Variants in ZNF462 observed in about 807,000 individuals in gnomAD.
ZNF462 encodes the protein zinc finger protein 462.
Under a neutral mutation model 201.9 loss-of-function variants are expected in ZNF462, and 10 were observed. The ratio of observed to expected loss-of-function variants is 0.05; its 90% confidence interval spans 0.03 to 0.08. ZNF462 has a LOEUF of 0.08. Among genes scored for constraint, ZNF462 ranks in the 10% least tolerant of loss-of-function variants. ZNF462 has a pLI of 1.00. For synonymous variants in ZNF462, 1,227 were observed against 1,193.3 expected (o/e 1.03, Z -0.58); for missense variants, 2,523 against 3,168.3 (o/e 0.80, Z 4.89).
intron 1 of ZNF462, among the ~76,000 whole-genome samples, chr9:106,914,334 G>C (rs941098433): frequency 6.6e-6 from 1 of 152,166 alleles, no homozygotes; most frequent in African/African-American, 2.4e-5. Context: ...ATTCTTTGTC[G>C]TGGGGACTGT....
At chr9:106,945,516 G>A (rs569871323) in intron 7 of ZNF462, among the ~76,000 whole-genome samples, 2 of 152,204 alleles carry the variant, frequency 1.3e-5, no homozygotes, top group South Asian at 2.1e-4. Context: ...CTTTAAAAAC[G>A]ACAATCATGA....
intron 1 of ZNF462, among the ~76,000 whole-genome samples, chr9:106,900,208 G>A (rs1304051570): frequency 3.9e-3 from 123 of 31,400 alleles, no homozygotes; most frequent in African/African-American, 0.03. Context: ...TCCATCGTGT[G>A]TGTGTGTGTG....
At chr9:106,900,732 A>T (rs1051088348) in intron 1 of ZNF462, among the ~76,000 whole-genome samples, 32 of 151,274 alleles carry the variant, frequency 2.1e-4, no homozygotes, top group African/African-American at 7.8e-4. Context: ...TTTTGATGGG[A>T]TTGTTGTTTT....
rs564454924 is a variant in ZNF462, at chr9:106,891,684, C to G, written c.-31+28329C>G. On this transcript the variant is annotated intron_variant, in intron 1 of 12. Transcript: ENST00000277225. Reference sequence around the variant, plus strand: ...GAACGTGAAATCACTTTTGCAAGTTCTTCCCCTCTCCACACCCTTGATTAT... The same window carrying G: ...GAACGTGAAATCACTTTTGCAAGTTGTTCCCCTCTCCACACCCTTGATTAT... Among the ~76,000 whole-genome samples, 6 of 152,256 alleles carry G rather than the reference C, an allele frequency of 3.9e-5. No individual in the cohort carries two copies. The South Asian group carries it at 1.0e-3, about 26-fold the overall frequency.
rs765909848 is a variant in ZNF462 at position 106,974,314 on chromosome 9, C to T, written c.6832+41C>T. The T allele has an allele frequency of 3.1e-6, 5 of 1,613,804 alleles. No homozygotes were observed. In the Admixed American group the frequency reaches 5.0e-5, roughly 16 times the overall value. ...TGGTTTTCTTGGATGCAGCGGGGGG[C>T]AGGCAGCAGAGATGGCCTTCTAGGG... On this transcript the variant is annotated intron_variant, in intron 9 of 12. Transcript: ENST00000277225. This position sits in a 1 kb window ranked among gnomAD's most constrained non-coding sequence, Gnocchi z 4.0.
intron 7 of ZNF462, among the ~76,000 whole-genome samples, chr9:106,941,370 A>G (rs750825326): frequency 2.5e-4 from 38 of 152,174 alleles, no homozygotes; most frequent in Admixed American, 2.6e-4. Flanking sequence ...TTGTGGAGTG[A>G]TTTCAGATTC....
chr9:106,945,428 C>A (rs1273673347), intron 7 of ZNF462, among the ~76,000 whole-genome samples: 7 of 152,080 alleles, frequency 4.6e-5, no homozygotes, highest in African/African-American at 1.7e-4. Context: ...TTAAGAGGAT[C>A]CAGTTAGTTG....
intron 7 of ZNF462, among the ~76,000 whole-genome samples, chr9:106,967,733 G>A (rs559655710): frequency 1.3e-5 from 2 of 152,258 alleles, no homozygotes; most frequent in African/African-American, 4.8e-5. Context: ...TCTAACTAAA[G>A]CATGACATTT....
intron 9 of ZNF462, chr9:106,975,418 C>T (rs901693072): frequency 6.6e-6 from 1 of 152,206 alleles, no homozygotes; most frequent in Non-Finnish European, 1.5e-5. Flanking sequence ...TTGGCCAATA[C>T]ATTTGTGACA....
At chr9:106,877,929 G>A (rs964877113) in intron 1 of ZNF462, among the ~76,000 whole-genome samples, 3 of 152,176 alleles carry the variant, frequency 2.0e-5, no homozygotes, top group African/African-American at 7.2e-5. Context: ...AATATGGGAT[G>A]AAAGAGTAGG....
chr9:106,996,708 G>C (rs913459265), intron 10 of ZNF462, among the ~76,000 whole-genome samples: 3 of 152,086 alleles, frequency 2.0e-5, no homozygotes, highest in African/African-American at 7.2e-5. Context: ...GTAGATTCTG[G>C]ATATTAACCC....
At chr9:106,959,074 G>A in intron 7 of ZNF462, among the ~76,000 whole-genome samples, 1 of 152,122 alleles carries the variant, frequency 6.6e-6, no homozygotes, top group East Asian at 1.9e-4. Flanking sequence ...CATGTGCATT[G>A]TTAACTAACA....
At chr9:106,884,937 A>C (rs995115856) in intron 1 of ZNF462, among the ~76,000 whole-genome samples, 2 of 152,172 alleles carry the variant, frequency 1.3e-5, no homozygotes, top group African/African-American at 4.8e-5. Flanking sequence ...TGTGTAGTTG[A>C]TCATCAATGC....
Position 106,866,694 on chromosome 9 carries a change from T to C in ZNF462, c.-31+3339T>C, listed in dbSNP as rs1272852168. On this transcript the variant is annotated intron_variant, in intron 1 of 12. Transcript: ENST00000277225. The stretch of plus-strand genomic sequence containing the variant: ...GAACATTATCTTTTGATACCATTAC[T>C]TTTGCTCTTAAGTGAAATTTCGCCA... 3.3e-5 allele frequency among the ~76,000 whole-genome samples: 5 copies of C among 152,226 alleles called. No individual in the cohort carries two copies. In the South Asian group the frequency reaches 1.0e-3, roughly 31 times the overall value.
At chr9:106,940,627 C>T (rs1340202535) in intron 7 of ZNF462, among the ~76,000 whole-genome samples, 2 of 152,078 alleles carry the variant, frequency 1.3e-5, no homozygotes, top group African/African-American at 2.4e-5. Flanking sequence ...ACTGGTGTCC[C>T]GGCCTTAAAG....
chr9:106,927,141 G>A lies in ZNF462; in HGVS notation c.3229G>A (p.Ala1077Thr), dbSNP rs1317309848. 1.2e-6 allele frequency: 2 copies of A among 1,614,172 alleles called. No homozygotes were observed. The highest frequency in any genetic ancestry group is 8.5e-7 in the Non-Finnish European group (1 of 1,180,028). Residue 1077 changes from alanine (A) to threonine (T), a missense_variant, in exon 3 of 13, where the codon GCC becomes ACC. This residue lies in a region of ZNF462 where 280 missense variants were observed against 321.3 expected (regional missense o/e 0.87). Transcript: ENST00000277225. ...MRMVSVDRGS[A>T]LSQLSFEVGA... ...AATGGTGTCTGTGGACAGGGGCTCT[G>A]CCCTTTCTCAATTATCATTTGAGGT...
intron 1 of ZNF462, among the ~76,000 whole-genome samples, chr9:106,896,052 T>A (rs907064): frequency 2.6e-5 from 4 of 151,960 alleles, no homozygotes; most frequent in African/African-American, 9.7e-5. Context: ...CTCCATCTCT[T>A]TACTTGGAAA....
Position 106,962,747 on chromosome 9 carries a change from A to T in ZNF462, c.6428-9258A>T, listed in dbSNP as rs913768994. 6.6e-6 allele frequency among the ~76,000 whole-genome samples: 1 copy of T among 151,970 alleles called. No homozygotes were observed. The highest frequency in any genetic ancestry group is 2.4e-5 in the African/African-American group (1 of 41,406). On this transcript the variant is annotated intron_variant, in intron 7 of 12. Coordinates refer to ENST00000277225, the MANE Select transcript of ZNF462 (RefSeq NM_021224.6). The surrounding 1 kb of genome is among the most constrained non-coding windows in gnomAD (Gnocchi z 4.6). ...TGTGTTTCCTTCAAGTTTGGCCTCA[A>T]CCTTATTTTCAGGATTAGGCGTTTG...
At chr9:106,947,911 T>A (rs1043672811) in intron 7 of ZNF462, among the ~76,000 whole-genome samples, 5 of 152,240 alleles carry the variant, frequency 3.3e-5, no homozygotes, top group African/African-American at 1.2e-4. Flanking sequence ...TGTTTATTAC[T>A]TATTGATATT....
Sources: gnomAD v4.1 joint callset for allele counts (sites outside exome capture counted in the v4.1 genomes callset) on GRCh38, gnomAD v4.1.1 for gene constraint, gnomAD v4.1.1 regional missense constraint, Gnocchi (gnomAD v3.1) non-coding constraint, MANE v1.5 for transcripts, NCBI Gene and HGNC (gene_info 2026-07-23, HGNC 2026-07-21) for gene names.